AAMDC: variants seen among roughly 807,000 people sequenced by gnomAD.
AAMDC encodes mth938 domain-containing protein.
A neutral mutation model predicts 15.5 loss-of-function variants in AAMDC; 16 were observed. That is an observed-to-expected ratio of 1.03 (90% CI 0.70 to 1.57). AAMDC has a LOEUF of 1.57. AAMDC is among the 40% of genes most tolerant of loss of function. The pLI is 0.00. For synonymous variants in AAMDC, 51 were observed against 51.6 expected, an observed-to-expected ratio of 0.99 and a Z score of 0.05; for missense variants, 141 against 144.9, an observed-to-expected ratio of 0.97 and a Z score of 0.14.
At chr11:77,884,851 C>A (rs749886387) in intron 5 of AAMDC, 3 of 365,540 alleles carry the variant, frequency 8.2e-6, no homozygotes, top group South Asian at 2.1e-5. Flanking sequence ...AACTCCTGGG[C>A]GCAAGTGATC....
chr11:77,856,435 A>T (rs944273675), intron 2 of AAMDC, among the ~76,000 whole-genome samples: 1 of 152,116 alleles, frequency 6.6e-6, no homozygotes, highest in African/African-American at 2.4e-5. Context: ...ACCTAGTTCC[A>T]TAGCTGCTTC....
At chr11:77,862,137 T>C (rs1019916520) in intron 2 of AAMDC, among the ~76,000 whole-genome samples, 12 of 152,318 alleles carry the variant, frequency 7.9e-5, no homozygotes, top group African/African-American at 2.9e-4. Flanking sequence ...GGCACCAATC[T>C]GTATGTTCTG....
At chr11:77,890,814 G>A (rs540160989) in intron 5 of AAMDC, among the ~76,000 whole-genome samples, 6 of 152,322 alleles carry the variant, frequency 3.9e-5, no homozygotes, top group East Asian at 3.9e-4. Flanking sequence ...TAATTGCACT[G>A]TCTGAATTGA....
intron 1 of AAMDC, among the ~76,000 whole-genome samples, chr11:77,821,836 C>T (rs952260736): frequency 3.9e-5 from 6 of 152,100 alleles, no homozygotes; most frequent in Non-Finnish European, 8.8e-5. Flanking sequence ...GCTTAGAAGC[C>T]TGAGCTTTGG....
chr11:77,896,400 C>T (rs573242185), intron 5 of AAMDC, among the ~76,000 whole-genome samples: 72 of 152,182 alleles, frequency 4.7e-4, no homozygotes, highest in African/African-American at 1.7e-3. Flanking sequence ...GCCTGTAATT[C>T]CAACACTTTG....
Position 77,891,718 on chromosome 11 carries a change from C to T in AAMDC, c.329-8853C>T, listed in dbSNP as rs375893555. ...CGGGAGATGCAGAAAGGCACTCTGT[C>T]GCAGCATGGTCTGTAGAATTTTGAC... On this transcript the variant is annotated intron_variant, in intron 5 of 5. Coordinates refer to the AAMDC transcript ENST00000304716. The T allele has an allele frequency of 3.9e-5, 63 of 1,611,876 alleles. No individual in the cohort carries two copies. The highest frequency in any genetic ancestry group is 1.6e-4 in the East Asian group (7 of 44,892).
rs773757013 is a variant in AAMDC at position 77,842,545 on chromosome 11, A to G, written c.49A>G (p.Lys17Glu). Residue 17 changes from lysine to glutamate, a missense_variant, in exon 2 of 4, where the codon AAA (lysine) becomes GAA (glutamate). Lys to Glu is a moderately conservative substitution (Grantham distance 56). Transcript: ENST00000393427. Reference sequence around the variant, plus strand: ...CTTATCATGGGGGCAAATGAAAGTAAAAGGCTCTAATACAACCTATAAGGA... The same window carrying G: ...CTTATCATGGGGGCAAATGAAAGTAGAAGGCTCTAATACAACCTATAAGGA... ...ASLSWGQMKV[K>E]GSNTTYKDCK... 4 of 1,613,956 alleles carry G rather than the reference A, an allele frequency of 2.5e-6. No individual in the cohort carries two copies. The African/African-American group carries it at 4.0e-5, about 16-fold the overall frequency.
At position 77,869,750 on chromosome 11, in the gene AAMDC, T is replaced by C; in HGVS notation, c.161T>C (p.Val54Ala). Residue 54 changes from valine to alanine, a missense_variant, in exon 3 of 4, where the codon GTG becomes GCG. By Grantham distance (64) the Val-to-Ala change is moderately conservative (BLOSUM62 0). Transcript: ENST00000393427. ...EHSPGVQPAD[V>A]KEVVEKGVQT... ...TCTCCTGGTGTGCAGCCTGCAGATG[T>C]GAAGGAAGTTGTTGAGAAGGGTGTA... 1 of 1,613,988 alleles carries C rather than the reference T, an allele frequency of 6.2e-7. No homozygotes were observed. Among genetic ancestry groups the C allele is most frequent in the Non-Finnish European group, 8.5e-7 (1 of 1,179,906 alleles).
chr11:77,892,669 G>A (rs1242581606), intron 5 of AAMDC, among the ~76,000 whole-genome samples: 3 of 151,910 alleles, frequency 2.0e-5, no homozygotes, highest in African/African-American at 4.8e-5. Flanking sequence ...TGGAACCTCC[G>A]CCTCCCGGGT....
intron 1 of AAMDC, among the ~76,000 whole-genome samples, chr11:77,835,856 C>T (rs957269572): frequency 2.0e-4 from 30 of 151,724 alleles, no homozygotes; most frequent in African/African-American, 7.3e-4. Flanking sequence ...TGCAGTGAGC[C>T]GAGATCATGC....
downstream of AAMDC, among the ~76,000 whole-genome samples, chr11:77,876,231 C>G (rs1045420449): frequency 6.6e-6 from 1 of 152,092 alleles, no homozygotes; most frequent in African/African-American, 2.4e-5. Context: ...AGACCACTCA[C>G]TAAGAACAGA....
chr11:77,879,906 A>G (rs923669613), intron 5 of AAMDC, among the ~76,000 whole-genome samples: 2 of 152,224 alleles, frequency 1.3e-5, no homozygotes, highest in Non-Finnish European at 2.9e-5. Flanking sequence ...ATCCTGCTAC[A>G]TTATGAAAGA....
At chr11:77,863,532 G>T (rs545603907) in intron 2 of AAMDC, among the ~76,000 whole-genome samples, 1 of 152,268 alleles carries the variant, frequency 6.6e-6, no homozygotes, top group Non-Finnish European at 1.5e-5. Flanking sequence ...GGGATTACAG[G>T]CATGTGCCAC....
Position 77,884,034 on chromosome 11 carries a change from C to T in AAMDC, c.328+6985C>T, listed in dbSNP as rs2051484. ...GGATGATGACATCTGTTGTGAACCT[C>T]AAAACACAAGAAGAAACATGACACC... is the stretch of plus-strand genomic sequence containing the variant. On this transcript the variant is annotated intron_variant, in intron 5 of 5. Transcript: ENST00000304716. 155,223 of 1,418,134 alleles carry T rather than the reference C, an allele frequency of 0.11. 9,745 individuals carry two copies. The highest frequency in any genetic ancestry group is 0.21 in the Admixed American group (10,760 of 51,516). The allele number at this position is 1,418,134 out of a possible 1,614,324, so 87.8% of individuals were successfully genotyped here. A position where few individuals can be genotyped will look rare whatever the true frequency, so the allele number is the denominator to read the frequency against.
chr11:77,871,335 C>A (rs1325837986), intron 3 of AAMDC, among the ~76,000 whole-genome samples: 1 of 152,090 alleles, frequency 6.6e-6, no homozygotes, highest in East Asian at 1.9e-4. Flanking sequence ...TTAAGAACAT[C>A]TTTTATATAA....
At chr11:77,828,075 C>T (rs914029182) in intron 1 of AAMDC, among the ~76,000 whole-genome samples, 1 of 151,990 alleles carries the variant, frequency 6.6e-6, no homozygotes, top group African/African-American at 2.4e-5. Flanking sequence ...GAGTTCAATA[C>T]CAGCCTGGCC....
intron 1 of AAMDC, among the ~76,000 whole-genome samples, chr11:77,839,678 A>G (rs968147033): frequency 6.6e-6 from 1 of 152,196 alleles, no homozygotes; most frequent in Non-Finnish European, 1.5e-5. Context: ...AGGGACACAG[A>G]TGGAGCTGGA....
chr11:77,878,797 C>A (rs1344166831), intron 5 of AAMDC: 1 of 733,750 alleles, frequency 1.4e-6, no homozygotes, highest in Non-Finnish European at 2.5e-6. Flanking sequence ...AATGAAGAAA[C>A]AATTTATCCT....
At chr11:77,884,080 T>C (rs570889097) in intron 5 of AAMDC, 2 of 918,866 alleles carry the variant, frequency 2.2e-6, no homozygotes, top group African/African-American at 1.7e-5. Flanking sequence ...AGATTGAGCC[T>C]TGGGGGTAGG....
Sources: allele counts gnomAD v4.1 joint callset (sites outside exome capture counted in the v4.1 genomes callset), GRCh38; gene constraint gnomAD v4.1.1; transcripts MANE v1.5; gene names NCBI Gene and HGNC (gene_info 2026-07-23, HGNC 2026-07-21).